Variants in RBFOX1 observed in about 807,000 individuals in gnomAD.
RBFOX1 encodes the protein RNA binding protein fox-1 homolog 1.
Under a neutral mutation model 57.7 loss-of-function variants are expected in RBFOX1, and 8 were observed. The observed-to-expected ratio is 0.14, with a 90% confidence interval of 0.08 to 0.25. The LOEUF (loss-of-function observed/expected upper bound fraction) is 0.25. RBFOX1 is among the 10% of genes least tolerant of loss of function. The pLI is 1.00. For missense variants in RBFOX1, 611 were observed against 548.5 expected, an observed-to-expected ratio of 1.11 and a Z score of -1.14; for synonymous variants, 326 against 222.4, an observed-to-expected ratio of 1.47 and a Z score of -4.15.
At chr16:7,058,867 A>C (rs2053344787) in intron 4 of RBFOX1, among the ~76,000 whole-genome samples, 1 of 152,196 alleles carries the variant, frequency 6.6e-6, no homozygotes, top group East Asian at 1.9e-4. Flanking sequence ...AAAGATAAAT[A>C]TTAACTTCAT....
chr16:5,532,051 G>A (rs1022656399), intron 2 of RBFOX1, among the ~76,000 whole-genome samples: 10 of 152,044 alleles, frequency 6.6e-5, no homozygotes, highest in Admixed American at 1.3e-4. Context: ...TGTCCGCCTC[G>A]ACCTCCCAAA....
rs112331563 is a variant in RBFOX1, at chr16:7,500,335, G to A, written c.28-17812G>A. 4.7e-3 allele frequency among the ~76,000 whole-genome samples: 723 copies of A among 152,290 alleles called. 7 individuals carry two copies. The highest frequency in any genetic ancestry group is 0.017 in the African/African-American group (692 of 41,540). On this transcript the variant is annotated intron_variant, in intron 4 of 15. Coordinates refer to ENST00000550418, the MANE Select transcript of RBFOX1 (RefSeq NM_018723.4). ...AAAGTAGTAGGAACTTCAATACTGT[G>A]TGCTTCTGCTTAGTTGGGTTGTACT...
At chr16:6,343,355 A>C (rs975933453) in intron 2 of RBFOX1, among the ~76,000 whole-genome samples, 1 of 151,490 alleles carries the variant, frequency 6.6e-6, no homozygotes, top group African/African-American at 2.4e-5. Flanking sequence ...AACCTTTTGA[A>C]TAGAGGGTCA....
chr16:5,979,246 T>G (rs1186352384), intron 4 of RBFOX1, among the ~76,000 whole-genome samples: 1 of 151,778 alleles, frequency 6.6e-6, no homozygotes, highest in Non-Finnish European at 1.5e-5. Context: ...GAATGGAGGA[T>G]TTTTTCTTGA....
intron 8 of RBFOX1, among the ~76,000 whole-genome samples, chr16:7,595,912 A>G (rs2094663589): frequency 1.3e-5 from 2 of 150,734 alleles, no homozygotes; most frequent in South Asian, 2.1e-4. Context: ...TTTTGTTGTT[A>G]TTTTCCATGT....
chr16:6,432,186 C>G (rs113609577), intron 2 of RBFOX1, among the ~76,000 whole-genome samples: 1,790 of 151,942 alleles, frequency 0.012, 38 homozygotes, highest in African/African-American at 0.041. Flanking sequence ...CTAGGCTGGT[C>G]TTGAATTCCT....
chr16:5,512,448 T>C (rs1375702349), intron 2 of RBFOX1, among the ~76,000 whole-genome samples: 2 of 151,546 alleles, frequency 1.3e-5, no homozygotes, highest in African/African-American at 2.4e-5. Flanking sequence ...CTCTCTCTCT[T>C]CTTTCATTAT....
intron 1 of RBFOX1, among the ~76,000 whole-genome samples, chr16:5,364,092 G>C (rs1404941500): frequency 2.6e-5 from 4 of 152,198 alleles, no homozygotes; most frequent in African/African-American, 4.8e-5. Flanking sequence ...CTGGCAGCCA[G>C]GTCCCCTTAA....
intron 2 of RBFOX1, among the ~76,000 whole-genome samples, chr16:5,553,786 G>GA (rs1318256650): frequency 4.9e-5 from 7 of 142,306 alleles, no homozygotes. Context: ...CCACAATATT[G>GA]AAAAAACATG....
chr16:6,450,773 ATATATATATATATATACATATATATATG>A (rs71145231), intron 2 of RBFOX1, among the ~76,000 whole-genome samples: 1 of 38,534 alleles, frequency 2.6e-5, no homozygotes, highest in Non-Finnish European at 4.5e-5. Context: ...ATGTGTATAT[ATATATATATATATATACATATATATATG>A]TATATATATA....
At chr16:6,632,466 C>T (rs1256334578) in intron 2 of RBFOX1, among the ~76,000 whole-genome samples, 1 of 152,164 alleles carries the variant, frequency 6.6e-6, no homozygotes, top group East Asian at 1.9e-4. Flanking sequence ...GATAGTGTTA[C>T]AGTATTTCCT....
chr16:6,493,651 C>A (rs972666863), intron 2 of RBFOX1, among the ~76,000 whole-genome samples: 3 of 152,148 alleles, frequency 2.0e-5, no homozygotes, highest in African/African-American at 7.2e-5. Context: ...TATAGCCTTT[C>A]AATTTGCTGT....
chr16:6,986,534 C>A (rs1415109600), intron 3 of RBFOX1, among the ~76,000 whole-genome samples: 1 of 152,180 alleles, frequency 6.6e-6, no homozygotes, highest in African/African-American at 2.4e-5. Context: ...TCAACTGATT[C>A]ACCTGCCTTG....
intron 3 of RBFOX1, among the ~76,000 whole-genome samples, chr16:5,817,462 G>C (rs1422377537): frequency 6.6e-6 from 1 of 152,158 alleles, no homozygotes; most frequent in African/African-American, 2.4e-5. Flanking sequence ...TTTTCAATGA[G>C]TAAGAGAGTG....
In RBFOX1 at chr16:5,483,748, C is replaced by T. The variant is rs1597249457; in HGVS notation, c.258+16494C>T. 2.6e-5 allele frequency among the ~76,000 whole-genome samples: 4 copies of T among 152,268 alleles called. No individual in the cohort carries two copies. The South Asian group carries it at 8.3e-4, about 32-fold the overall frequency. On this transcript the variant is annotated intron_variant, in intron 2 of 2. Coordinates refer to the RBFOX1 transcript ENST00000585867. Reference sequence around the variant, plus strand: ...GTATTAGTTATCTATTGCTGTGTAACAAATTACCCCCAAGCTTAGCGGTTT... The same window carrying T: ...GTATTAGTTATCTATTGCTGTGTAATAAATTACCCCCAAGCTTAGCGGTTT...
chr16:7,359,010 A>G lies in RBFOX1; in HGVS notation c.28-159137A>G, dbSNP rs115719495. On this transcript the variant is annotated intron_variant, in intron 4 of 15. Coordinates refer to ENST00000550418, the MANE Select transcript of RBFOX1 (RefSeq NM_018723.4). ...TTTTGGAATGAAAAAATCTAAGATT[A>G]GTTGAGTTCTTTGCTGCCTCCACCT... Among the ~76,000 whole-genome samples the G allele has an allele frequency of 1.3e-3, 191 of 152,350 alleles. 1 individual carries two copies. The highest frequency in any genetic ancestry group is 4.2e-3 in the African/African-American group (176 of 41,586).
chr16:7,443,386 T>G lies in RBFOX1; in HGVS notation c.28-74761T>G, dbSNP rs76543545. ...TCTCACACACTCTCTTTCACATTAA[T>G]CATGTAATTGATTTAATAAGCTCTG... On this transcript the variant is annotated intron_variant, in intron 4 of 15. Transcript: ENST00000550418. Among the ~76,000 whole-genome samples the G allele has an allele frequency of 1.6e-3, 240 of 151,992 alleles. 1 individual carries two copies. Among genetic ancestry groups the G allele is most frequent in the African/African-American group, 5.6e-3 (233 of 41,482 alleles).
At chr16:7,174,712 G>A (rs547860399) in intron 4 of RBFOX1, among the ~76,000 whole-genome samples, 14 of 152,280 alleles carry the variant, frequency 9.2e-5, no homozygotes, top group South Asian at 2.1e-4. Context: ...CGCGAGAGGC[G>A]GAGATTGCAG....
chr16:6,643,940 A>G (rs1412213879), intron 2 of RBFOX1, among the ~76,000 whole-genome samples: 1 of 152,182 alleles, frequency 6.6e-6, no homozygotes, highest in African/African-American at 2.4e-5. Flanking sequence ...AGCCTGGCCA[A>G]CATGGGGAAA....
Sources: gnomAD v4.1 joint callset for allele counts (sites outside exome capture counted in the v4.1 genomes callset) on GRCh38, gnomAD v4.1.1 for gene constraint, MANE v1.5 for transcripts, NCBI Gene and HGNC (gene_info 2026-07-23, HGNC 2026-07-21) for gene names.